Variants in PCDH15 observed in about 807,000 individuals in gnomAD.
PCDH15 encodes protocadherin related 15.
PCDH15 carries 129 observed loss-of-function variants against 178.5 expected under a neutral mutation model. That is an observed-to-expected ratio of 0.72 (90% CI 0.63 to 0.84). The LOEUF (loss-of-function observed/expected upper bound fraction) is 0.84. Among genes scored for constraint, PCDH15 ranks in the 40% least tolerant of loss-of-function variants. The pLI is 0.00. For synonymous variants in PCDH15, 800 were observed against 732.0 expected, an observed-to-expected ratio of 1.09 and a Z score of -1.50; for missense variants, 2,230 against 2,099.9, an observed-to-expected ratio of 1.06 and a Z score of -1.21.
intron 32 of PCDH15, 30 bp downstream of exon 32, chr10:53,827,363 C>A: frequency 1.3e-6 from 2 of 1,580,794 alleles, no homozygotes; most frequent in South Asian, 1.1e-5. Context: ...AACCCAACTA[C>A]TTCTCAGAGT....
intron 2 of PCDH15, among the ~76,000 whole-genome samples, chr10:54,924,128 A>C (rs1466143805): frequency 1.4e-5 from 2 of 138,060 alleles, no homozygotes; most frequent in Non-Finnish European, 3.4e-5. Context: ...AGAGGAAGCA[A>C]GCACTGTTCT....
At chr10:54,770,352 A>G (rs1308392079) in intron 1 of PCDH15, among the ~76,000 whole-genome samples, 1 of 152,186 alleles carries the variant, frequency 6.6e-6, no homozygotes, top group East Asian at 1.9e-4. Flanking sequence ...TCATTTTGTT[A>G]GAATAACAAA....
chr10:55,218,308 A>C (rs1222065491), intron 1 of PCDH15, among the ~76,000 whole-genome samples: 1 of 151,996 alleles, frequency 6.6e-6, no homozygotes, highest in Non-Finnish European at 1.5e-5. Context: ...TATGGAGTAC[A>C]TTGTATATTA....
intron 3 of PCDH15, among the ~76,000 whole-genome samples, chr10:54,417,179 C>T (rs1954553073): frequency 6.6e-6 from 1 of 152,102 alleles, no homozygotes; most frequent in South Asian, 2.1e-4. Context: ...TGTGAGCTAC[C>T]TCATCCAGCA....
chr10:55,470,902 G>A (rs1839942245), intron 2 of PCDH15, among the ~76,000 whole-genome samples: 5 of 151,504 alleles, frequency 3.3e-5, no homozygotes, highest in Admixed American at 1.3e-4. Context: ...ATGGAAGTTT[G>A]GAATCTTAGA....
At chr10:54,147,216 G>A (rs866500420) in intron 14 of PCDH15, among the ~76,000 whole-genome samples, 46 of 151,442 alleles carry the variant, frequency 3.0e-4, no homozygotes, top group African/African-American at 8.7e-4. Context: ...CAGGTAGAAT[G>A]GAAGTATATG....
At chr10:55,208,734 A>G (rs1210994532) in intron 1 of PCDH15, among the ~76,000 whole-genome samples, 1 of 152,018 alleles carries the variant, frequency 6.6e-6, no homozygotes, top group East Asian at 1.9e-4. Flanking sequence ...TACCCCTGGG[A>G]TGCCTTCCAT....
chr10:54,187,370 A>G (rs1373998128), intron 11 of PCDH15, among the ~76,000 whole-genome samples: 1 of 151,914 alleles, frequency 6.6e-6, no homozygotes, highest in Non-Finnish European at 1.5e-5. Flanking sequence ...CAATATTTCA[A>G]TAAGTATTGA....
intron 2 of PCDH15, among the ~76,000 whole-genome samples, chr10:55,577,558 C>G (rs2132116206): frequency 6.6e-6 from 1 of 152,204 alleles, no homozygotes; most frequent in South Asian, 2.1e-4. Context: ...TTATCAGTAA[C>G]TATTTTGAAG....
chr10:55,012,613 A>C (rs1840071956), intron 2 of PCDH15, among the ~76,000 whole-genome samples: 2 of 152,066 alleles, frequency 1.3e-5, no homozygotes, highest in Non-Finnish European at 2.9e-5. Flanking sequence ...TAAAATTGTC[A>C]TCTTGAGCTT....
At chr10:54,233,948 T>A (rs1254948071) in intron 9 of PCDH15, among the ~76,000 whole-genome samples, 1 of 152,148 alleles carries the variant, frequency 6.6e-6, no homozygotes, top group African/African-American at 2.4e-5. Context: ...GACATCAGCA[T>A]CCGTATCCTC....
chr10:54,460,045 A>G (rs1417832547), intron 3 of PCDH15, among the ~76,000 whole-genome samples: 2 of 152,120 alleles, frequency 1.3e-5, no homozygotes, highest in Admixed American at 6.6e-5. Context: ...TTTTCCACAG[A>G]TGATTTGGGG....
intron 2 of PCDH15, among the ~76,000 whole-genome samples, chr10:54,587,553 A>G (rs567033933): frequency 1.7e-3 from 264 of 152,166 alleles, no homozygotes; most frequent in African/African-American, 6.1e-3. Flanking sequence ...AAAGACTTAC[A>G]TTAAAGGAAC....
intron 21 of PCDH15, among the ~76,000 whole-genome samples, chr10:53,984,072 G>C (rs962022309): frequency 6.7e-6 from 1 of 149,316 alleles, no homozygotes; most frequent in Admixed American, 6.7e-5. Flanking sequence ...ATACAATCAT[G>C]CTCCCTCTTA....
intron 2 of PCDH15, among the ~76,000 whole-genome samples, chr10:55,603,187 A>C (rs1279307392): frequency 6.6e-6 from 1 of 152,102 alleles, no homozygotes; most frequent in Non-Finnish European, 1.5e-5. Context: ...AAGTTTAGAG[A>C]AAAAAGAATA....
chr10:55,539,114 C>CTTT lies in PCDH15; in HGVS notation c.-156+88510_-156+88511insAAA, dbSNP rs1564443146. 2.5e-4 allele frequency among the ~76,000 whole-genome samples: 37 copies of CTTT among 148,128 alleles called. 1 individual carries two copies. Among genetic ancestry groups the CTTT allele is most frequent in the Admixed American group, 2.1e-3 (31 of 14,740 alleles). ...TTCCTTGCTTCCTTCCTTCCTTCTTCTAATGTGTGTACTATTATTTCCCCT... is the reference window on the plus strand; with the variant it reads ...TTCCTTGCTTCCTTCCTTCCTTCTTCTTTTAATGTGTGTACTATTATTTCCCCT... On this transcript the variant is annotated intron_variant, in intron 2 of 5. Coordinates refer to the PCDH15 transcript ENST00000613346.
intron 8 of PCDH15, among the ~76,000 whole-genome samples, chr10:54,257,799 T>G (rs7902425): frequency 0.02 from 3,010 of 152,234 alleles, 86 homozygotes; most frequent in African/African-American, 0.068. Context: ...AAAAGCATGC[T>G]ATAGAAGCAT....
At chr10:54,167,201 T>C (rs1402528524) in intron 13 of PCDH15, among the ~76,000 whole-genome samples, 2 of 152,158 alleles carry the variant, frequency 1.3e-5, no homozygotes, top group Non-Finnish European at 2.9e-5. Flanking sequence ...CTTTGCTCCC[T>C]GAGAAAGATC....
intron 23 of PCDH15, among the ~76,000 whole-genome samples, chr10:53,948,237 T>C (rs2086734494): frequency 1.3e-5 from 2 of 152,106 alleles, no homozygotes; most frequent in Non-Finnish European, 1.5e-5. Context: ...CTTTGGACAA[T>C]AAATTATATG....
Sources: gnomAD v4.1 joint callset for allele counts (sites outside exome capture counted in the v4.1 genomes callset) on GRCh38, gnomAD v4.1.1 for gene constraint, MANE v1.5 for transcripts, NCBI Gene and HGNC (gene_info 2026-07-23, HGNC 2026-07-21) for gene names.